Variants in SEMA3A observed in about 807,000 individuals in gnomAD.
SEMA3A encodes the protein semaphorin-3A.
A neutral mutation model predicts 97.9 loss-of-function variants in SEMA3A; 29 were observed. That is an observed-to-expected ratio of 0.30 (90% CI 0.22 to 0.40). The LOEUF is 0.40. Among genes scored for constraint, SEMA3A ranks in the 10% least tolerant of loss-of-function variants. SEMA3A has a pLI of 1.00. For synonymous variants in SEMA3A, 321 were observed against 323.7 expected (o/e 0.99, Z 0.09); for missense variants, 763 against 951.3 (o/e 0.80, Z 2.60).
In SEMA3A at chr7:83,976,285, TAAATATTAA is replaced by T. The variant is rs567262309; in HGVS notation, c.1717+838_1717+846del. Among the ~76,000 whole-genome samples the T allele has an allele frequency of 2.2e-4, 34 of 152,246 alleles. 1 individual carries two copies. In the East Asian group the frequency reaches 6.2e-3, roughly 28 times the overall value. Reference sequence around the variant, plus strand: ...AGTAAATCAAAGAAAAGTCAACTGATAAATATTAACTACTTTTAGAATAAATGGCATCAA... The same window carrying T: ...AGTAAATCAAAGAAAAGTCAACTGATCTACTTTTAGAATAAATGGCATCAA... On this transcript the variant is annotated intron_variant, in intron 15 of 16. Transcript: ENST00000265362.
At chr7:84,231,861 T>C (rs1799123520) in intron 3 of SEMA3A, among the ~76,000 whole-genome samples, 2 of 151,840 alleles carry the variant, frequency 1.3e-5, no homozygotes, top group Non-Finnish European at 2.9e-5. Flanking sequence ...GAAAAATAGC[T>C]CTTCCACTTT....
At chr7:84,116,510 T>C (rs763844127) in intron 3 of SEMA3A, among the ~76,000 whole-genome samples, 1 of 152,180 alleles carries the variant, frequency 6.6e-6, no homozygotes, top group Non-Finnish European at 1.5e-5. Context: ...TAAGCTGAAC[T>C]CCATTTTCTC....
At chr7:84,001,715 ATATTT>A (rs1790461892) in intron 12 of SEMA3A, among the ~76,000 whole-genome samples, 1 of 152,144 alleles carries the variant, frequency 6.6e-6, no homozygotes. Context: ...TGTAAATAAT[ATATTT>A]TATCATTGAG....
intron 4 of SEMA3A, among the ~76,000 whole-genome samples, chr7:84,094,549 C>T (rs1794695602): frequency 6.6e-6 from 1 of 152,040 alleles, no homozygotes; most frequent in Non-Finnish European, 1.5e-5. Context: ...AAGAATGTCA[C>T]ATATGTGCAT....
At chr7:84,465,591 T>C (rs984625364) in intron 1 of SEMA3A, among the ~76,000 whole-genome samples, 1 of 152,320 alleles carries the variant, frequency 6.6e-6, no homozygotes, top group East Asian at 1.9e-4. Context: ...CAAATGTTTA[T>C]CTGAAAATTT....
At chr7:84,200,487 C>A (rs73709595) in intron 3 of SEMA3A, among the ~76,000 whole-genome samples, 8,346 of 152,012 alleles carry the variant, frequency 0.055, 310 homozygotes, top group Middle Eastern at 0.065. Context: ...AAGAGAGTGA[C>A]AAGAGAAGGG....
intron 3 of SEMA3A, among the ~76,000 whole-genome samples, chr7:84,282,939 G>A (rs1450759673): frequency 6.6e-6 from 1 of 151,974 alleles, no homozygotes; most frequent in African/African-American, 2.4e-5. Flanking sequence ...GCTTGAACCT[G>A]GAAGGTGGAG....
intron 2 of SEMA3A, among the ~76,000 whole-genome samples, chr7:84,347,635 C>A (rs1161329420): frequency 6.6e-6 from 1 of 152,088 alleles, no homozygotes; most frequent in Non-Finnish European, 1.5e-5. Context: ...TGGTCTCGAT[C>A]TCTTGACCTC....
intron 12 of SEMA3A, among the ~76,000 whole-genome samples, chr7:83,999,829 C>T (rs892296500): frequency 2.0e-5 from 3 of 152,016 alleles, no homozygotes; most frequent in Admixed American, 2.0e-4. Flanking sequence ...ACAGTAGTGG[C>T]AAAATTAGTC....
In SEMA3A at chr7:84,113,235, T is replaced by C. The variant is rs368732100; in HGVS notation, c.334-2646A>G. ...GAGGAGGAAAGTGCATTAAAAGAAC[T>C]GGACAGAGAAGAAGCAAAAATTTGA... On this transcript the variant is annotated intron_variant, in intron 3 of 16. Coordinates refer to ENST00000265362, the MANE Select transcript of SEMA3A (RefSeq NM_006080.3). Among the ~76,000 whole-genome samples, 222 of 152,326 alleles carry C rather than the reference T, an allele frequency of 1.5e-3. 1 individual carries two copies. Among genetic ancestry groups the C allele is most frequent in the Middle Eastern group, 3.4e-3 (1 of 294 alleles).
chr7:84,051,852 A>G lies in SEMA3A; in HGVS notation c.548-5409T>C, dbSNP rs546665922. On this transcript the variant is annotated intron_variant, in intron 5 of 16. Transcript: ENST00000265362. ...GTATGATATTGGCTGTGGGTTTGTC[A>G]TAGATAGCTCTTATTATTTTGAAAT... Among the ~76,000 whole-genome samples, 6 of 151,434 alleles carry G rather than the reference A, an allele frequency of 4.0e-5. No homozygotes were observed. In the South Asian group the frequency reaches 8.4e-4, roughly 21 times the overall value.
intron 3 of SEMA3A, among the ~76,000 whole-genome samples, chr7:84,247,869 G>C (rs1319776874): frequency 1.3e-5 from 2 of 152,136 alleles, no homozygotes; most frequent in Non-Finnish European, 2.9e-5. Context: ...TGTTTAGAAG[G>C]TAAAATATGT....
chr7:84,459,840 CAACA>C (rs1805778433), intron 1 of SEMA3A, among the ~76,000 whole-genome samples: 1 of 151,984 alleles, frequency 6.6e-6, no homozygotes, highest in South Asian at 2.1e-4. Flanking sequence ...AGAGCCTGGG[CAACA>C]TGGCAAAACC....
intron 1 of SEMA3A, among the ~76,000 whole-genome samples, chr7:84,396,590 T>C (rs914027562): frequency 1.3e-5 from 2 of 151,912 alleles, no homozygotes; most frequent in Non-Finnish European, 2.9e-5. Context: ...TATCTTTCAA[T>C]AACCAAGTTG....
intron 4 of SEMA3A, among the ~76,000 whole-genome samples, chr7:84,091,321 GAAGA>G (rs1211629525): frequency 7.4e-6 from 1 of 134,524 alleles, no homozygotes; most frequent in Admixed American, 8.1e-5. Flanking sequence ...AGGAAGGAAG[GAAGA>G]GAGAGAGAGA....
At chr7:84,419,150 T>G (rs1804519382) in intron 1 of SEMA3A, among the ~76,000 whole-genome samples, 1 of 152,088 alleles carries the variant, frequency 6.6e-6, no homozygotes, top group African/African-American at 2.4e-5. Context: ...TCACCCTCAA[T>G]TCTAAATAAC....
intron 4 of SEMA3A, among the ~76,000 whole-genome samples, chr7:84,064,107 C>T (rs560044332): frequency 6.6e-6 from 1 of 152,090 alleles, no homozygotes; most frequent in Non-Finnish European, 1.5e-5. Context: ...AGAGGGGGGG[C>T]CAATATTCAA....
chr7:84,013,715 C>A (rs1379367115), intron 7 of SEMA3A, among the ~76,000 whole-genome samples: 2 of 152,040 alleles, frequency 1.3e-5, no homozygotes, highest in Non-Finnish European at 2.9e-5. Context: ...GCCATGATGG[C>A]AGGTGCCTGT....
intron 4 of SEMA3A, among the ~76,000 whole-genome samples, chr7:84,063,520 A>C (rs13312072): frequency 0.18 from 26,910 of 147,786 alleles, 1,977 homozygotes; most frequent in South Asian, 0.24. Context: ...GAAAACTTTG[A>C]AAAAAATTTA....
Sources: allele counts gnomAD v4.1 joint callset (sites outside exome capture counted in the v4.1 genomes callset), GRCh38; gene constraint gnomAD v4.1.1; transcripts MANE v1.5; gene names NCBI Gene and HGNC (gene_info 2026-07-23, HGNC 2026-07-21).